The following DNAAF6 variants were observed in gnomAD, a reference collection of about 807,000 sequenced individuals.
DNAAF6 encodes PIH1 domain containing 3.
Under a neutral mutation model 13.7 loss-of-function variants are expected in DNAAF6, and 3 were observed. The observed-to-expected ratio is 0.22, with a 90% CI of 0.10 to 0.56. DNAAF6 has a LOEUF of 0.56. Among genes scored for constraint, DNAAF6 ranks in the 20% least tolerant of loss-of-function variants. The pLI is 0.92. For missense variants in DNAAF6, 130 were observed against 151.0 expected (o/e 0.86, Z 0.73); for synonymous variants, 54 against 49.2 (o/e 1.10, Z -0.41).
At chrX:107,241,287 C>A (rs1249219263) in intron 6 of DNAAF6, among the ~76,000 whole-genome samples, 1 of 111,452 alleles carries the variant, frequency 9.0e-6, no homozygotes, top group Non-Finnish European at 1.9e-5. Context: ...TATTTACATT[C>A]ATGTATTATT....
intron 5 of DNAAF6, among the ~76,000 whole-genome samples, chrX:107,227,099 G>A (rs1246333212): frequency 8.9e-6 from 1 of 112,171 alleles, no homozygotes; most frequent in Non-Finnish European, 1.9e-5. Flanking sequence ...AGTTATATTT[G>A]TTTACTTTTT....
At chrX:107,213,060 T>C (rs1927897244) in intron 2 of DNAAF6, 32 bp downstream of exon 2, 4 of 1,149,602 alleles carry the variant, frequency 3.5e-6, no homozygotes, top group Non-Finnish European at 4.6e-6. Flanking sequence ...GAATTAGTTT[T>C]GTTCATGGGA....
intron 5 of DNAAF6, among the ~76,000 whole-genome samples, chrX:107,232,582 G>A (rs1928429929): frequency 8.9e-6 from 1 of 111,759 alleles, no homozygotes; most frequent in Non-Finnish European, 1.9e-5. Flanking sequence ...ATGCTCTGAG[G>A]AGAAAAGGAG....
chrX:107,208,255 G>A (rs1470050550), intron 1 of DNAAF6, among the ~76,000 whole-genome samples: 4 of 109,789 alleles, frequency 3.6e-5, no homozygotes, highest in East Asian at 3.0e-4. Context: ...ATTAGCCGGC[G>A]AAACCCCGTC....
intron 5 of DNAAF6, among the ~76,000 whole-genome samples, chrX:107,226,963 A>G (rs944704715): frequency 3.6e-5 from 4 of 111,880 alleles, no homozygotes; most frequent in African/African-American, 1.3e-4. Flanking sequence ...CATGTTTATC[A>G]TACATATTTA....
chrX:107,209,967 A>C (rs1428876501), intron 1 of DNAAF6, among the ~76,000 whole-genome samples: 1 of 111,512 alleles, frequency 9.0e-6, no homozygotes, highest in African/African-American at 3.3e-5. Context: ...AAGGTTACTG[A>C]TGTTGCTTAA....
At chrX:107,242,059 C>CT (rs1057211223) in intron 6 of DNAAF6, among the ~76,000 whole-genome samples, 13 of 110,942 alleles carry the variant, frequency 1.2e-4, no homozygotes, top group South Asian at 3.8e-4. Flanking sequence ...TTTGCACTCA[C>CT]TTTTTTTTTC....
chrX:107,220,915 CTTTCTTT>C (rs1419567579), intron 4 of DNAAF6, among the ~76,000 whole-genome samples: 7 of 24,279 alleles, frequency 2.9e-4, no homozygotes, highest in African/African-American at 7.7e-4. Context: ...TTCTTTCTTT[CTTTCTTT>C]CTTTCTTTCT....
intron 1 of DNAAF6, among the ~76,000 whole-genome samples, chrX:107,210,662 G>A (rs1414724046): frequency 3.6e-5 from 4 of 110,393 alleles, no homozygotes; most frequent in Non-Finnish European, 7.6e-5. Context: ...CACGTGACCC[G>A]TGAGCTCACC....
intron 2 of DNAAF6, 119 bp from the exon 3 acceptor site, chrX:107,216,552 T>C: frequency 2.4e-6 from 1 of 422,924 alleles, no homozygotes; most frequent in Non-Finnish European, 3.9e-6. Flanking sequence ...TGATGGGTAA[T>C]TAAAGTGGAA....
chrX:107,238,276 T>C (rs1189081386), intron 5 of DNAAF6, among the ~76,000 whole-genome samples: 1 of 111,465 alleles, frequency 9.0e-6, no homozygotes, highest in African/African-American at 3.3e-5. Flanking sequence ...ATGTTTTTGC[T>C]TGAAAACCTG....
At chrX:107,217,006 T>A (rs1332981834) in intron 3 of DNAAF6, among the ~76,000 whole-genome samples, 1 of 111,060 alleles carries the variant, frequency 9.0e-6, no homozygotes, top group African/African-American at 3.3e-5. Flanking sequence ...ATATGGTATA[T>A]CATAAATATA....
intron 5 of DNAAF6, among the ~76,000 whole-genome samples, chrX:107,229,286 C>T (rs1402845382): frequency 9.4e-6 from 1 of 106,875 alleles, no homozygotes; most frequent in Admixed American, 1.0e-4. Context: ...AACAGGCACG[C>T]GCCACTACGC....
At position 107,243,930 on chromosome X, in the gene DNAAF6, T is replaced by C. The variant is rs1361002403; in HGVS notation, c.*632T>C. On this transcript the variant is annotated 3_prime_UTR_variant, in exon 7 of 7. Transcript: ENST00000372453. ...ATTATTACCAGAGAATTTTATTTGG[T>C]TGCTTTTTCATTGATTTGAGCAAAT... is the stretch of plus-strand genomic sequence containing the variant. The C allele has an allele frequency of 8.9e-6, 1 of 112,447 alleles. No individual in the cohort carries two copies. 9.3% of individuals were successfully genotyped at this position (112,447 alleles called of 1,213,427 possible). A position where few individuals can be genotyped will look rare whatever the true frequency, so the allele number is the denominator to read the frequency against.
At chrX:107,242,817 G>A (rs1928650734) in intron 6 of DNAAF6, among the ~76,000 whole-genome samples, 1 of 111,414 alleles carries the variant, frequency 9.0e-6, no homozygotes, top group Non-Finnish European at 1.9e-5. Context: ...TGTATCCGTC[G>A]GCCACATTGC....
chrX:107,236,125 G>A lies in DNAAF6; in HGVS notation c.430-2797G>A, dbSNP rs538352479. Among the ~76,000 whole-genome samples the A allele has an allele frequency of 2.6e-4, 29 of 111,327 alleles. No individual in the cohort carries two copies. In the South Asian group the frequency reaches 0.011, roughly 43 times the overall value. On this transcript the variant is annotated intron_variant, in intron 5 of 6. Transcript: ENST00000372453. The stretch of plus-strand genomic sequence containing the variant: ...CTCCAGCTTGGGTGTCAGAGTGAGA[G>A]CCTGTCTCAAAAATAAACAGTTAAT...
intron 4 of DNAAF6, among the ~76,000 whole-genome samples, chrX:107,221,635 G>A (rs1336864492): frequency 9.0e-6 from 1 of 111,627 alleles, no homozygotes; most frequent in Non-Finnish European, 1.9e-5. Flanking sequence ...AAGAGCAGGA[G>A]CTTGAGCAAA....
chrX:107,212,033 T>C (rs749566232), intron 1 of DNAAF6, among the ~76,000 whole-genome samples: 1 of 112,078 alleles, frequency 8.9e-6, no homozygotes, highest in Non-Finnish European at 1.9e-5. Context: ...ATTAATCAAC[T>C]GCTGACTATG....
At chrX:107,229,296 C>A (rs1171020742) in intron 5 of DNAAF6, among the ~76,000 whole-genome samples, 1 of 107,218 alleles carries the variant, frequency 9.3e-6, no homozygotes, top group Non-Finnish European at 1.9e-5. Flanking sequence ...CGCCACTACG[C>A]CTGGCTAATT....
Sources: allele counts gnomAD v4.1 joint callset (sites outside exome capture counted in the v4.1 genomes callset), GRCh38; gene constraint gnomAD v4.1.1; transcripts MANE v1.5; gene names NCBI Gene and HGNC (gene_info 2026-07-23, HGNC 2026-07-21).